SRP54: variants seen among roughly 807,000 people sequenced by gnomAD.
SRP54 encodes the protein signal recognition particle 54.
A neutral mutation model predicts 64.8 loss-of-function variants in SRP54; 10 were observed. The observed-to-expected ratio is 0.15, with a 90% CI of 0.10 to 0.26. The LOEUF (loss-of-function observed/expected upper bound fraction) is 0.26. Among genes scored for constraint, SRP54 ranks in the 10% least tolerant of loss-of-function variants. SRP54 has a pLI of 1.00. For synonymous variants in SRP54, 193 were observed against 185.6 expected, an observed-to-expected ratio of 1.04 and a Z score of -0.32; for missense variants, 325 against 613.7, an observed-to-expected ratio of 0.53 and a Z score of 4.97.
At chr14:35,028,319 C>A in intron 15 of SRP54, 136 bp downstream of exon 15, 1 of 547,558 alleles carries the variant, frequency 1.8e-6, no homozygotes, top group Non-Finnish European at 3.2e-6. Context: ...TCATCTGAAT[C>A]CTAAGTTGAA....
intron 1 of SRP54, among the ~76,000 whole-genome samples, chr14:34,992,867 T>G (rs2044003234): frequency 6.6e-6 from 1 of 151,994 alleles, no homozygotes; most frequent in Non-Finnish European, 1.5e-5. Flanking sequence ...TATTTATTTA[T>G]TTATTTATTT....
chr14:34,989,671 A>C (rs896185541), intron 1 of SRP54, among the ~76,000 whole-genome samples: 1 of 152,162 alleles, frequency 6.6e-6, no homozygotes, highest in African/African-American at 2.4e-5. Context: ...ACTAAATTTT[A>C]AAGATTCCAG....
At chr14:34,991,284 C>A (rs549364918) in intron 1 of SRP54, among the ~76,000 whole-genome samples, 2 of 151,550 alleles carry the variant, frequency 1.3e-5, no homozygotes, top group African/African-American at 4.9e-5. Context: ...CATCTGCCAC[C>A]GCGCCTGGCT....
intron 14 of SRP54, chr14:35,027,850 A>C: frequency 3.4e-6 from 1 of 294,284 alleles, no homozygotes; most frequent in South Asian, 1.1e-4. Flanking sequence ...GTAGCCTTAA[A>C]AAAGCCTTTT....
At chr14:34,990,749 A>C (rs2043963903) in intron 1 of SRP54, among the ~76,000 whole-genome samples, 1 of 152,214 alleles carries the variant, frequency 6.6e-6, no homozygotes, top group African/African-American at 2.4e-5. Flanking sequence ...GTTAATTTTT[A>C]AGTATCTTGT....
rs555454254 is a variant in SRP54, at chr14:35,007,508, A to C, written c.360+121A>C. The C allele has an allele frequency of 3.6e-3, 890 of 248,006 alleles. 5 individuals carry two copies. The highest frequency in any genetic ancestry group is 4.4e-3 in the Non-Finnish European group (575 of 131,746). 15.4% of individuals were successfully genotyped at this position (248,006 alleles called of 1,614,324 possible). ...TAATGTTGAAATATATATTTTATTA[A>C]TTATAATTATTAGAATGCATTTATA... On this transcript the variant is annotated intron_variant, in intron 5 of 15. Coordinates refer to ENST00000216774, the MANE Select transcript of SRP54 (RefSeq NM_003136.4).
At chr14:35,003,737 C>T (rs1191499560) in intron 4 of SRP54, among the ~76,000 whole-genome samples, 6 of 151,010 alleles carry the variant, frequency 4.0e-5, no homozygotes, top group African/African-American at 7.3e-5. Context: ...AGTTTGAGAC[C>T]AGCCTGAGCA....
chr14:34,989,478 A>G (rs1314277479), intron 1 of SRP54, among the ~76,000 whole-genome samples: 1 of 152,220 alleles, frequency 6.6e-6, no homozygotes, highest in Non-Finnish European at 1.5e-5. Flanking sequence ...TCAAAAAAAA[A>G]AAGAACTTTT....
At chr14:34,985,145 A>G (rs2043874033) in intron 1 of SRP54, among the ~76,000 whole-genome samples, 1 of 152,196 alleles carries the variant, frequency 6.6e-6, no homozygotes, top group South Asian at 2.1e-4. Flanking sequence ...AGCTTGGGTA[A>G]CATGGCGAAA....
chr14:35,013,349 C>A lies in SRP54; in HGVS notation c.640C>A (p.Pro214Thr). The A allele has an allele frequency of 4.3e-6, 7 of 1,612,642 alleles. No homozygotes were observed. The highest frequency in any genetic ancestry group is 5.9e-6 in the Non-Finnish European group (7 of 1,179,570). Residue 214 changes from proline (P) to threonine (T), a missense_variant, in exon 9 of 16, where the codon CCT becomes ACT. Transcript: ENST00000216774. ...CTTTTCTATTTAAACTTTCTAGCAA[C>A]CTGATAACATTGTTTATGTGATGGA... ...EMLQVANAIQ[P>T]DNIVYVMDAS...
At chr14:34,999,521 T>A in intron 2 of SRP54, 37 bp from the exon 3 acceptor site, 2 of 1,472,564 alleles carry the variant, frequency 1.4e-6, no homozygotes, top group African/African-American at 1.4e-5. Context: ...AATGAAACAT[T>A]GGGTGCTTTA....
intron 1 of SRP54, among the ~76,000 whole-genome samples, chr14:34,987,240 A>ATAT (rs1350671961): frequency 6.7e-5 from 5 of 74,878 alleles, no homozygotes; most frequent in Non-Finnish European, 1.5e-4. Context: ...GAAAAAAAAA[A>ATAT]AAAAAAATAT....
At chr14:34,983,553 A>G (rs35797365) in intron 1 of SRP54, among the ~76,000 whole-genome samples, 30,042 of 152,078 alleles carry the variant, frequency 0.2, 3,210 homozygotes, top group East Asian at 0.38. Flanking sequence ...TATTTTTCCT[A>G]TGTGTTTGTA....
chr14:35,025,501 T>C (rs1429227392), intron 14 of SRP54, among the ~76,000 whole-genome samples: 1 of 152,162 alleles, frequency 6.6e-6, no homozygotes, highest in Non-Finnish European at 1.5e-5. Context: ...TCCCATGTAG[T>C]CCTGACTGTT....
chr14:35,008,975 C>T, intron 7 of SRP54, 144 bp downstream of exon 7: 1 of 600,828 alleles, frequency 1.7e-6, no homozygotes. Context: ...CAACCACCAC[C>T]TCCTGGGTTC....
intron 2 of SRP54, 133 bp downstream of exon 2, chr14:34,996,920 T>C (rs2138975787): frequency 1.7e-6 from 1 of 586,810 alleles, no homozygotes; most frequent in South Asian, 2.6e-5. Context: ...AGCCTAAAAG[T>C]GGATACAGTA....
intron 3 of SRP54, among the ~76,000 whole-genome samples, chr14:35,000,172 A>G (rs1566646088): frequency 6.6e-6 from 1 of 152,240 alleles, no homozygotes; most frequent in African/African-American, 2.4e-5. Context: ...CAGGTAGCTC[A>G]GTTAACTGCT....
At chr14:34,995,135 GTGTGTGTGTGTGTGTGTGT>G (rs1566643574) in intron 1 of SRP54, among the ~76,000 whole-genome samples, 2,590 of 56,678 alleles carry the variant, frequency 0.046, 69 homozygotes, top group Middle Eastern at 0.078. Context: ...TCAATAAAGG[GTGTGTGTGTGTGTGTGTGT>G]GTGTGTGTGT....
At position 34,985,657 on chromosome 14, in the gene SRP54, CTGT is replaced by C. The variant is rs200212262; in HGVS notation, c.-34+2447_-34+2449del. 6.3e-3 allele frequency among the ~76,000 whole-genome samples: 960 copies of C among 152,244 alleles called. 13 individuals are homozygous for C. The highest frequency in any genetic ancestry group is 0.022 in the African/African-American group (911 of 41,546). On this transcript the variant is annotated intron_variant, in intron 1 of 15. Coordinates refer to ENST00000216774, the MANE Select transcript of SRP54 (RefSeq NM_003136.4). ...TAAGGTATAGAACAGATTTCTCATTCTGTTGTTTTCTTTGGGACATGTTATTAA... is the reference window on the plus strand; with the variant it reads ...TAAGGTATAGAACAGATTTCTCATTCTGTTTTCTTTGGGACATGTTATTAA...
Sources: allele counts gnomAD v4.1 joint callset (sites outside exome capture counted in the v4.1 genomes callset), GRCh38; gene constraint gnomAD v4.1.1; transcripts MANE v1.5; gene names NCBI Gene and HGNC (gene_info 2026-07-23, HGNC 2026-07-21).